The following OR2L5 variants were observed in gnomAD, a reference collection of about 807,000 sequenced individuals.
OR2L5 encodes the protein olfactory receptor 2L5.
For synonymous variants in OR2L5, 169 were observed against 142.0 expected, an observed-to-expected ratio of 1.19 and a Z score of -1.35; for missense variants, 413 against 381.6, an observed-to-expected ratio of 1.08 and a Z score of -0.69.
rs773087076 is a variant in OR2L5, at chr1:248,022,044, A to G, written c.97A>G (p.Ile33Val). ...TTTCCTCTTCATTCTCTTTGTTCTC[A>G]TTTTCCTAATGGCTCTAATTGGAAA... ...GLFLFILFVL[I>V]FLMALIGNLS... The change falls in exon 2 of 2, where the codon ATT becomes GTT. Residue 33 changes from isoleucine to valine, a missense_variant. Coordinates refer to ENST00000355281, the MANE Select transcript of OR2L5 (RefSeq NM_001258284.2). 3.7e-6 allele frequency: 6 copies of G among 1,613,474 alleles called. No homozygotes were observed. In the African/African-American group the frequency reaches 4.0e-5, roughly 11 times the overall value.
chr1:248,021,575 C>T (rs1436070303), intron 1 of OR2L5, among the ~76,000 whole-genome samples: 1 of 152,130 alleles, frequency 6.6e-6, no homozygotes, highest in African/African-American at 2.4e-5. Flanking sequence ...CACTTTATTT[C>T]ATCATGTAGA....
At position 248,022,583 on chromosome 1, in the gene OR2L5, C is replaced by A; in HGVS notation, c.636C>A (p.Gly212=). 6.2e-7 allele frequency: 1 copy of A among 1,614,052 alleles called. No homozygotes were observed. Among genetic ancestry groups the A allele is most frequent in the Non-Finnish European group, 8.5e-7 (1 of 1,180,026 alleles). The stretch of plus-strand genomic sequence containing the variant: ...TCTTTCTTGTGTTTCCCTTCACTGG[C>A]ATTGCGTGTTCCTATGGCTGGGTTC... ...STIFLVFPFT[G]IACSYGWVLL... The change falls in exon 2 of 2, where the codon GGC becomes GGA. Residue 212 remains glycine (G), a synonymous_variant. Coordinates refer to ENST00000355281, the MANE Select transcript of OR2L5 (RefSeq NM_001258284.2).
Position 248,022,689 on chromosome 1 carries a change from A to T in OR2L5, c.742A>T (p.Thr248Ser), listed in dbSNP as rs758129225. The change falls in exon 2 of 2, where the codon ACT (threonine) becomes TCT (serine). Residue 248 changes from threonine to serine, a missense_variant. Coordinates refer to ENST00000355281, the MANE Select transcript of OR2L5 (RefSeq NM_001258284.2). ...CTGCAGCACCCACCTCACTGTAGTA[A>T]CTTTCTACTATGCACCCTTTGCTTA... Reference protein sequence around the residue: ...STCSTHLTVVTFYYAPFAYTY... With the variant: ...STCSTHLTVVSFYYAPFAYTY... The T allele has an allele frequency of 1.2e-6, 2 of 1,614,128 alleles. No individual in the cohort carries two copies. The highest frequency in any genetic ancestry group is 1.1e-5 in the South Asian group (1 of 91,078).
At position 248,013,758 on chromosome 1, in the gene OR2L5, T is replaced by G. The variant is rs1415848489; in HGVS notation, c.-22+20T>G. ...TAAAAGGTACTGATTATATTTGTAT[T>G]TTAAAATTTTTATTGATCATAGGGA... On this transcript the variant is annotated intron_variant, in intron 1 of 1. Transcript: ENST00000355281. The G allele has an allele frequency of 6.6e-6, 1 of 152,118 alleles. No homozygotes were observed. The highest frequency in any genetic ancestry group is 2.4e-5 in the African/African-American group (1 of 41,420). 9.4% of individuals were successfully genotyped at this position (152,118 alleles called of 1,614,324 possible).
chr1:248,020,151 T>G (rs1158525036), intron 1 of OR2L5, among the ~76,000 whole-genome samples: 2 of 152,200 alleles, frequency 1.3e-5, no homozygotes, highest in East Asian at 1.9e-4. Flanking sequence ...TTACCATAGC[T>G]TTTGGAACTG....
At chr1:248,021,313 G>A (rs1023066241) in intron 1 of OR2L5, among the ~76,000 whole-genome samples, 2 of 152,046 alleles carry the variant, frequency 1.3e-5, no homozygotes, top group African/African-American at 4.8e-5. Flanking sequence ...GGAAAGATTA[G>A]TCATCTAAGA....
At position 248,022,184 on chromosome 1, in the gene OR2L5, G is replaced by C. The variant is rs774136039; in HGVS notation, c.237G>C (p.Lys79Asn). 6.2e-7 allele frequency: 1 copy of C among 1,614,014 alleles called. No homozygotes were observed. The highest frequency in any genetic ancestry group is 1.1e-5 in the South Asian group (1 of 91,078). Residue 79 changes from lysine to asparagine, a missense_variant, in exon 2 of 2, where the codon AAG becomes AAC. Coordinates refer to ENST00000355281, the MANE Select transcript of OR2L5 (RefSeq NM_001258284.2). ...ATTACATCTCTACGATTGTTCCTAA[G>C]ATGGCTTCTGATTTTCTGTATGGAA... ...DLNYISTIVP[K>N]MASDFLYGNK...
At chr1:248,014,867 G>T (rs1572671862) in intron 1 of OR2L5, among the ~76,000 whole-genome samples, 1 of 152,216 alleles carries the variant, frequency 6.6e-6, no homozygotes, top group East Asian at 1.9e-4. Context: ...TAAGAGCTAG[G>T]ATTCCATTTG....
In OR2L5 at chr1:248,022,262, T is replaced by C. The variant is rs755079804; in HGVS notation, c.315T>C (p.Thr105=). 6.2e-6 allele frequency: 10 copies of C among 1,614,086 alleles called. No individual in the cohort carries two copies. The East Asian group carries it at 2.2e-4, about 36-fold the overall frequency. ...GGATTCAGAGTTTCTTCTTCATGACTTTTGCAGGTGCAGAAGCGCTGCTCC... is the reference window on the plus strand; with the variant it reads ...GGATTCAGAGTTTCTTCTTCATGACCTTTGCAGGTGCAGAAGCGCTGCTCC... The part of the protein sequence containing the change: ...GCGIQSFFFM[T]FAGAEALLLT... Residue 105 remains threonine, a synonymous_variant, in exon 2 of 2, where the codon ACT becomes ACC. Coordinates refer to ENST00000355281, the MANE Select transcript of OR2L5 (RefSeq NM_001258284.2).
chr1:248,021,987 T>C lies in OR2L5; in HGVS notation c.40T>C (p.Leu14=), dbSNP rs535347152. ...TCAAACGTCAACTGATTTCATCTTATTGGGGCTGTTCCCACCATCAAAAAT... is the reference window on the plus strand; with the variant it reads ...TCAAACGTCAACTGATTTCATCTTACTGGGGCTGTTCCCACCATCAAAAAT... ...YNQTSTDFIL[L]GLFPPSKIGL... Residue 14 remains leucine, a synonymous_variant, in exon 2 of 2, where the codon TTG becomes CTG. Transcript: ENST00000355281. 2.1e-4 allele frequency: 336 copies of C among 1,613,816 alleles called. 1 individual carries two copies. The South Asian group carries it at 3.4e-3, about 16-fold the overall frequency.
At chr1:248,018,827 G>A (rs1276773588) in intron 1 of OR2L5, among the ~76,000 whole-genome samples, 1 of 152,034 alleles carries the variant, frequency 6.6e-6, no homozygotes, top group African/African-American at 2.4e-5. Context: ...CGGTCCCCTG[G>A]GGTCCAGCAT....
At position 248,023,808 on chromosome 1, in the gene OR2L5, AGAG is replaced by A. The variant is rs1662407975; in HGVS notation, c.*927_*929del. 6.6e-6 allele frequency: 1 copy of A among 152,304 alleles called. No homozygotes were observed. The highest frequency in any genetic ancestry group is 2.1e-4 in the South Asian group (1 of 4,832). 9.4% of individuals were successfully genotyped at this position (152,304 alleles called of 1,614,324 possible). A position where few individuals can be genotyped will look rare whatever the true frequency, so the allele number is the denominator to read the frequency against. ...CTGAGAAACGCTTTAGTCTCTGAGGAGAGGAGGCAAGAAGGAAGGTAGAATGAA... is the reference window on the plus strand; with the variant it reads ...CTGAGAAACGCTTTAGTCTCTGAGGAGAGGCAAGAAGGAAGGTAGAATGAA... On this transcript the variant is annotated 3_prime_UTR_variant, in exon 2 of 2. Coordinates refer to ENST00000355281, the MANE Select transcript of OR2L5 (RefSeq NM_001258284.2).
intron 1 of OR2L5, among the ~76,000 whole-genome samples, chr1:248,017,471 C>T (rs1662225521): frequency 6.6e-6 from 1 of 152,162 alleles, no homozygotes; most frequent in Non-Finnish European, 1.5e-5. Flanking sequence ...ACGTCTCCTG[C>T]CACTCACCAC....
Position 248,022,162 on chromosome 1 carries a change from A to G in OR2L5, c.215A>G (p.Tyr72Cys). ...CAGCTCTCCCTCATTGACCTAAATT[A>G]CATCTCTACGATTGTTCCTAAGATG... is the stretch of plus-strand genomic sequence containing the variant. ...LSQLSLIDLN[Y>C]ISTIVPKMAS... Residue 72 changes from tyrosine (Y) to cysteine (C), a missense_variant, in exon 2 of 2, where the codon TAC becomes TGC. Transcript: ENST00000355281. 1 of 1,613,952 alleles carries G rather than the reference A, an allele frequency of 6.2e-7. No homozygotes were observed. The highest frequency in any genetic ancestry group is 8.5e-7 in the Non-Finnish European group (1 of 1,179,874).
intron 1 of OR2L5, among the ~76,000 whole-genome samples, chr1:248,019,062 G>T (rs895118450): frequency 2.6e-5 from 4 of 152,006 alleles, no homozygotes; most frequent in Non-Finnish European, 5.9e-5. Flanking sequence ...ACTTGTTTCT[G>T]CCTTTGGGGT....
chr1:248,018,689 C>T (rs1447215918), intron 1 of OR2L5, among the ~76,000 whole-genome samples: 4 of 152,156 alleles, frequency 2.6e-5, no homozygotes, highest in Admixed American at 1.3e-4. Flanking sequence ...TTTAAGTGTA[C>T]AGTTCTGTGG....
chr1:248,015,034 C>T (rs1662157218), intron 1 of OR2L5, among the ~76,000 whole-genome samples: 3 of 152,132 alleles, frequency 2.0e-5, no homozygotes, highest in African/African-American at 7.2e-5. Flanking sequence ...ACCTATGTAT[C>T]TATCTATGAG....
intron 1 of OR2L5, among the ~76,000 whole-genome samples, chr1:248,018,777 T>G (rs1662267763): frequency 6.6e-6 from 1 of 152,178 alleles, no homozygotes; most frequent in African/African-American, 2.4e-5. Context: ...CCAACTAAAA[T>G]TGTGTTCTCC....
intron 1 of OR2L5, among the ~76,000 whole-genome samples, chr1:248,018,130 A>G (rs56965727): frequency 0.15 from 22,356 of 149,130 alleles, 2,812 homozygotes; most frequent in African/African-American, 0.35. Context: ...ACTCCAGCCT[A>G]GGCGACAGAG....
Sources: allele counts gnomAD v4.1 joint callset (sites outside exome capture counted in the v4.1 genomes callset), GRCh38; gene constraint gnomAD v4.1.1; transcripts MANE v1.5; gene names NCBI Gene and HGNC (gene_info 2026-07-23, HGNC 2026-07-21).